The following HMCN2 variants were observed in gnomAD, a reference collection of about 807,000 sequenced individuals.
The protein encoded by HMCN2 is hemicentin-2.
Under a neutral mutation model 377.5 loss-of-function variants are expected in HMCN2, and 325 were observed. The ratio of observed to expected loss-of-function variants is 0.86; its 90% CI spans 0.79 to 0.94. The LOEUF is 0.94. Ranked by LOEUF, HMCN2 falls within the 40% of genes least tolerant of loss-of-function variation. HMCN2 has a pLI of 0.00. For missense variants in HMCN2, 4,543 were observed against 4,725.3 expected, an observed-to-expected ratio of 0.96 and a Z score of 1.13; for synonymous variants, 2,007 against 2,046.8, an observed-to-expected ratio of 0.98 and a Z score of 0.53.
At chr9:130,413,470 T>G (rs189504923) in intron 85 of HMCN2, among the ~76,000 whole-genome samples, 2 of 152,122 alleles carry the variant, frequency 1.3e-5, no homozygotes, top group Non-Finnish European at 2.9e-5. Flanking sequence ...TGGAATAGGT[T>G]TGTGGTCCAG....
Position 130,393,595 on chromosome 9 carries a change from A to G in HMCN2, c.10235-147A>G. 1.6e-6 allele frequency: 1 copy of G among 626,886 alleles called. No homozygotes were observed. Among genetic ancestry groups the G allele is most frequent in the Non-Finnish European group, 2.3e-6 (1 of 443,908 alleles). 38.8% of individuals were successfully genotyped at this position (626,886 alleles called of 1,614,324 possible). A position where few individuals can be genotyped will look rare whatever the true frequency, so the allele number is the denominator to read the frequency against. ...GAACTAGTGACACCAGGGGATGGAGAGGATGCTGTGGGAGCACAGAGGAGG... is the reference window on the plus strand; with the variant it reads ...GAACTAGTGACACCAGGGGATGGAGGGGATGCTGTGGGAGCACAGAGGAGG... On this transcript the variant is annotated intron_variant, in intron 67 of 97. Coordinates refer to ENST00000683500, the MANE Select transcript of HMCN2 (RefSeq NM_001291815.2). The surrounding 1 kb of genome is among the most constrained non-coding windows in gnomAD (Gnocchi z 5.2).
chr9:130,399,576 G>A lies in HMCN2; in HGVS notation c.11549G>A (p.Cys3850Tyr). 7.8e-7 allele frequency: 1 copy of A among 1,289,748 alleles called. No homozygotes were observed. Among genetic ancestry groups the A allele is most frequent in the Non-Finnish European group, 1.0e-6 (1 of 988,792 alleles). The allele number at this position is 1,289,748 out of a possible 1,614,324, so 79.9% of individuals were successfully genotyped here. ...PGPQDSAQFE[C>Y]VVSNEVGEAH... is the part of the protein sequence containing the mutation. ...CCCCAGGACTCAGCCCAGTTTGAATGCGTGGTGAGCAATGAGGTGGGCGAG... is the reference window on the plus strand; with the variant it reads ...CCCCAGGACTCAGCCCAGTTTGAATACGTGGTGAGCAATGAGGTGGGCGAG... The change falls in exon 76 of 98, where the codon TGC becomes TAC. Residue 3850 changes from cysteine (C) to tyrosine (Y), a missense_variant. By Grantham distance (194) the Cys-to-Tyr change is radical. Transcript: ENST00000683500.
Position 130,395,028 on chromosome 9 carries a change from T to G in HMCN2, c.10694T>G (p.Val3565Gly), listed in dbSNP as rs1460397367. Reference protein sequence around the residue: ...TRVLRVENVQVRDAGLYTCLA... With the variant: ...TRVLRVENVQGRDAGLYTCLA... ...CTGCTCAACCCGCTCCATCCCCAGGTTAGGGATGCTGGGCTGTACACTTGT... is the reference window on the plus strand; with the variant it reads ...CTGCTCAACCCGCTCCATCCCCAGGGTAGGGATGCTGGGCTGTACACTTGT... Residue 3565 changes from valine (V) to glycine (G), a missense_variant and splice_region_variant, in exon 70 of 98, where the codon GTT becomes GGT. Physicochemically the swap from Val to Gly is moderately radical, Grantham distance 109. Transcript: ENST00000683500. 1 of 1,284,972 alleles carries G rather than the reference T, an allele frequency of 7.8e-7. No individual in the cohort carries two copies. Among genetic ancestry groups the G allele is most frequent in the African/African-American group, 1.5e-5 (1 of 65,286 alleles). 79.6% of individuals were successfully genotyped at this position (1,284,972 alleles called of 1,614,324 possible).
In HMCN2 at chr9:130,374,212, T is replaced by TGGA. The variant is rs1307399797; in HGVS notation, c.7439-290_7439-289insGGA. Among the ~76,000 whole-genome samples, 10 of 141,470 alleles carry TGGA rather than the reference T, an allele frequency of 7.1e-5. No homozygotes were observed. In the South Asian group the frequency reaches 2.2e-3, roughly 32 times the overall value. The allele number at this position is 141,470 out of a possible 152,430, so 92.8% of individuals were successfully genotyped here. Reference sequence around the variant, plus strand: ...ATGGATGGTTGGATGGATGGATGGATTGGTGGGTGGTGTGTGGGTGGGTGG... The same window carrying TGGA: ...ATGGATGGTTGGATGGATGGATGGATGGATGGTGGGTGGTGTGTGGGTGGGTGG... On this transcript the variant is annotated intron_variant, in intron 48 of 97. Coordinates refer to ENST00000683500, the MANE Select transcript of HMCN2 (RefSeq NM_001291815.2).
chr9:130,401,029 G>A, intron 77 of HMCN2, 82 bp downstream of exon 77: 4 of 1,163,462 alleles, frequency 3.4e-6, no homozygotes, highest in Non-Finnish European at 4.4e-6. Flanking sequence ...TCACATGGCG[G>A]AATAGGATGG....
At chr9:130,355,677 G>A (rs549697164) in intron 32 of HMCN2, 69 bp from the exon 33 acceptor site, 1 of 888,496 alleles carries the variant, frequency 1.1e-6, no homozygotes, top group South Asian at 1.4e-5. Flanking sequence ...GAAGGCTCTG[G>A]GGACTTGGGA....
At chr9:130,372,263 A>G (rs1489758005) in intron 46 of HMCN2, 31 bp from the exon 47 acceptor site, 3 of 904,474 alleles carry the variant, frequency 3.3e-6, no homozygotes, top group Non-Finnish European at 4.0e-6. Flanking sequence ...GCTCAGAGCC[A>G]TGCTTGGGGC....
chr9:130,323,492 G>A (rs1837958741), intron 19 of HMCN2, among the ~76,000 whole-genome samples: 1 of 152,200 alleles, frequency 6.6e-6, no homozygotes, highest in Non-Finnish European at 1.5e-5. Flanking sequence ...CAGGGAACTG[G>A]GGTTAAATTA....
chr9:130,395,326 C>T lies in HMCN2; in HGVS notation c.10890C>T (p.His3630=), dbSNP rs545350500. ...AGCCAGCGCCCAAGATCACGTGGCA[C>T]CGAGACGGCATTGTGCTGCAGGTGG... ...EAEPAPKITW[H]RDGIVLQEDA... The change falls in exon 71 of 98, where the codon CAC becomes CAT. Residue 3630 remains histidine (H), a synonymous_variant. Coordinates refer to ENST00000683500, the MANE Select transcript of HMCN2 (RefSeq NM_001291815.2). 3.9e-6 allele frequency: 5 copies of T among 1,289,064 alleles called. No individual in the cohort carries two copies. In the African/African-American group the frequency reaches 7.6e-5, roughly 20 times the overall value. 79.9% of individuals were successfully genotyped at this position (1,289,064 alleles called of 1,614,324 possible).
intron 95 of HMCN2, 198 bp downstream of exon 95, chr9:130,430,802 C>T: frequency 1.7e-6 from 1 of 590,650 alleles, no homozygotes; most frequent in Non-Finnish European, 3.0e-6. Context: ...AGGGGGCTTC[C>T]AAGATGGTGT....
chr9:130,350,388 C>A (rs77526697), intron 29 of HMCN2, among the ~76,000 whole-genome samples: 52,209 of 86,650 alleles, frequency 0.6, 16,520 homozygotes, highest in Non-Finnish European at 0.71. Context: ...CAAAAAAATA[C>A]AAAAAAAAAA....
chr9:130,338,279 A>T (rs1013754595), intron 23 of HMCN2: 2 of 152,578 alleles, frequency 1.3e-5, no homozygotes, highest in Admixed American at 6.5e-5. Flanking sequence ...GAGGCCCCCA[A>T]CAACACAGGG....
chr9:130,428,397 A>C lies in HMCN2; in HGVS notation c.14105A>C (p.Glu4702Ala). The change falls in exon 93 of 98, where the codon GAG becomes GCG. Residue 4702 changes from glutamate (E) to alanine (A), a missense_variant. Physicochemically the swap from Glu to Ala is moderately radical, Grantham distance 107 (BLOSUM62 -1). This residue lies in a region of HMCN2 where 1,155 missense variants were observed against 1,157.7 expected (regional missense o/e 1.00). Coordinates refer to ENST00000683500, the MANE Select transcript of HMCN2 (RefSeq NM_001291815.2). This position sits in a 1 kb window ranked among gnomAD's most constrained non-coding sequence, Gnocchi z 5.0. ...GCGTGGGATGCTCACCTCTGCCGAG[A>C]GGGACAGCGCTGTGTGAACCTGCTC... ...ECAWDAHLCREGQRCVNLLGS... is the reference protein window; with the variant it reads ...ECAWDAHLCRAGQRCVNLLGS... 1 of 1,548,022 alleles carries C rather than the reference A, an allele frequency of 6.5e-7. No homozygotes were observed. Among genetic ancestry groups the C allele is most frequent in the South Asian group, 1.2e-5 (1 of 84,054 alleles).
chr9:130,405,768 T>A (rs1212803585), intron 81 of HMCN2, among the ~76,000 whole-genome samples, 187 bp from the exon 82 acceptor site: 2 of 152,068 alleles, frequency 1.3e-5, no homozygotes, highest in Non-Finnish European at 2.9e-5. Context: ...CAGTAGAGCA[T>A]GTGAATGCTG....
In HMCN2 at chr9:130,395,021, C is replaced by T. The variant is rs1842534185; in HGVS notation, c.10693-6C>T. 2 of 1,284,072 alleles carry T rather than the reference C, an allele frequency of 1.6e-6. No individual in the cohort carries two copies. Among genetic ancestry groups the T allele is most frequent in the Non-Finnish European group, 2.0e-6 (2 of 985,626 alleles). The allele number at this position is 1,284,072 out of a possible 1,614,324, so 79.5% of individuals were successfully genotyped here. A position where few individuals can be genotyped will look rare whatever the true frequency, so the allele number is the denominator to read the frequency against. On this transcript the variant is annotated splice_region_variant and splice_polypyrimidine_tract_variant and intron_variant, in intron 69 of 97. Coordinates refer to ENST00000683500, the MANE Select transcript of HMCN2 (RefSeq NM_001291815.2). Reference sequence around the variant, plus strand: ...GGGGCAGCTGCTCAACCCGCTCCATCCCCAGGTTAGGGATGCTGGGCTGTA... The same window carrying T: ...GGGGCAGCTGCTCAACCCGCTCCATTCCCAGGTTAGGGATGCTGGGCTGTA...
At chr9:130,339,956 G>A (rs1356505687) in intron 23 of HMCN2, among the ~76,000 whole-genome samples, 1 of 152,222 alleles carries the variant, frequency 6.6e-6, no homozygotes, top group Non-Finnish European at 1.5e-5. Context: ...GAAGTCTTTT[G>A]TGCCCACCCA....
Position 130,428,254 on chromosome 9 carries a change from G to A in HMCN2, c.14066-104G>A. On this transcript the variant is annotated intron_variant, in intron 92 of 97. Coordinates refer to ENST00000683500, the MANE Select transcript of HMCN2 (RefSeq NM_001291815.2). This position sits in a 1 kb window ranked among gnomAD's most constrained non-coding sequence, Gnocchi z 5.0. ...GGGGACCTTCCTGCCAGTGGCTCCT[G>A]GGCCTGCGGACGAAGCCTCTGTGGA... is the stretch of plus-strand genomic sequence containing the variant. 3 of 1,347,426 alleles carry A rather than the reference G, an allele frequency of 2.2e-6. No individual in the cohort carries two copies. Among genetic ancestry groups the A allele is most frequent in the Non-Finnish European group, 2.9e-6 (3 of 1,018,236 alleles). The allele number at this position is 1,347,426 out of a possible 1,614,324, so 83.5% of individuals were successfully genotyped here. A position where few individuals can be genotyped will look rare whatever the true frequency, so the allele number is the denominator to read the frequency against.
In HMCN2 at chr9:130,394,231, T is replaced by G. The variant is rs1331767137; in HGVS notation, c.10502-154T>G. Among the ~76,000 whole-genome samples, 1 of 152,184 alleles carries G rather than the reference T, an allele frequency of 6.6e-6. No individual in the cohort carries two copies. The highest frequency in any genetic ancestry group is 1.5e-5 in the Non-Finnish European group (1 of 68,016). ...TTTGATTCTCCCAGGGCTGTGCTCC[T>G]GGTTTCTTTCCACCAAACCTTGGTG... is the stretch of plus-strand genomic sequence containing the variant. On this transcript the variant is annotated intron_variant, in intron 68 of 97. Transcript: ENST00000683500. The surrounding 1 kb of genome is among the most constrained non-coding windows in gnomAD (Gnocchi z 5.1).
chr9:130,383,111 C>T (rs1287080874), intron 56 of HMCN2, among the ~76,000 whole-genome samples: 2 of 152,142 alleles, frequency 1.3e-5, no homozygotes, highest in Admixed American at 6.5e-5. Flanking sequence ...AGCCCAGCAC[C>T]GCACACAGCA....
Sources: allele counts gnomAD v4.1 joint callset (sites outside exome capture counted in the v4.1 genomes callset), GRCh38; gene constraint gnomAD v4.1.1; regional missense constraint gnomAD v4.1.1; non-coding constraint Gnocchi (gnomAD v3.1); transcripts MANE v1.5; gene names NCBI Gene and HGNC (gene_info 2026-07-23, HGNC 2026-07-21).